The following PRIMA1 variants were observed in gnomAD, a reference collection of about 807,000 sequenced individuals.
The protein encoded by PRIMA1 is proline-rich membrane anchor 1.
Under a neutral mutation model 17.5 loss-of-function variants are expected in PRIMA1, and 7 were observed. The observed-to-expected ratio is 0.40, with a 90% CI of 0.23 to 0.75. The LOEUF is 0.75. Among genes scored for constraint, PRIMA1 ranks in the 30% least tolerant of loss-of-function variants. The pLI, the probability that PRIMA1 is intolerant of heterozygous loss-of-function variation, is 0.37. For synonymous variants in PRIMA1, 97 were observed against 77.9 expected (o/e 1.25, Z -1.29); for missense variants, 200 against 201.8 (o/e 0.99, Z 0.05).
intron 3 of PRIMA1, among the ~76,000 whole-genome samples, chr14:93,775,562 A>G (rs1026142396): frequency 6.6e-5 from 10 of 152,168 alleles, no homozygotes; most frequent in Admixed American, 2.6e-4. Context: ...GCAATGGTGC[A>G]ATCTTGGCTC....
At chr14:93,737,490 C>G (rs375384453) in intron 3 of PRIMA1, 120 bp from the exon 4 acceptor site, 3 of 1,153,050 alleles carry the variant, frequency 2.6e-6, no homozygotes, top group Non-Finnish European at 3.6e-6. Flanking sequence ...GTGGGACCAT[C>G]ATGGGTGACA....
intron 3 of PRIMA1, among the ~76,000 whole-genome samples, chr14:93,747,337 G>C (rs1365512585): frequency 6.6e-6 from 1 of 152,238 alleles, no homozygotes; most frequent in Non-Finnish European, 1.5e-5. Context: ...CCACGTGGCA[G>C]TTGCTGCTGG....
At chr14:93,787,946 C>A (rs1024462540) in intron 1 of PRIMA1, among the ~76,000 whole-genome samples, 197 bp from the exon 2 acceptor site, 8 of 152,230 alleles carry the variant, frequency 5.3e-5, no homozygotes, top group African/African-American at 1.4e-4. Context: ...ACTCTTCTTA[C>A]GCACATCCCC....
intron 2 of PRIMA1, among the ~76,000 whole-genome samples, chr14:93,779,701 A>T (rs1885325037): frequency 6.6e-6 from 1 of 152,130 alleles, no homozygotes; most frequent in African/African-American, 2.4e-5. Flanking sequence ...TTCCTTTGTA[A>T]TCTAAGCCCA....
rs150167698 is a variant in PRIMA1 at position 93,773,547 on chromosome 14, C to T, written c.229+5629G>A. Among the ~76,000 whole-genome samples, 174 of 152,332 alleles carry T rather than the reference C, an allele frequency of 1.1e-3. 2 individuals are homozygous for T. In the South Asian group the frequency reaches 0.016, roughly 14 times the overall value. Reference sequence around the variant, plus strand: ...TCCGATACAAGCTCAAGTTGGAGAACCCCTGGTCAAGTGCCCAGACTCAAA... The same window carrying T: ...TCCGATACAAGCTCAAGTTGGAGAATCCCTGGTCAAGTGCCCAGACTCAAA... On this transcript the variant is annotated intron_variant, in intron 3 of 4. Coordinates refer to ENST00000393140, the MANE Select transcript of PRIMA1 (RefSeq NM_178013.4).
chr14:93,748,866 G>C (rs555422345), intron 3 of PRIMA1, among the ~76,000 whole-genome samples: 2 of 152,190 alleles, frequency 1.3e-5, no homozygotes, highest in East Asian at 3.9e-4. Flanking sequence ...AATTAGGAAA[G>C]GAAAATTATG....
chr14:93,749,715 A>C (rs2076248491), intron 3 of PRIMA1, among the ~76,000 whole-genome samples: 1 of 152,202 alleles, frequency 6.6e-6, no homozygotes, highest in African/African-American at 2.4e-5. Flanking sequence ...GTTGATGCTC[A>C]ATAGATTGCT....
chr14:93,785,425 G>T (rs1394255513), intron 2 of PRIMA1, among the ~76,000 whole-genome samples: 1 of 152,180 alleles, frequency 6.6e-6, no homozygotes, highest in African/African-American at 2.4e-5. Flanking sequence ...TGCTTTGGGG[G>T]ACCCCAGGTC....
chr14:93,773,498 G>C (rs752066501), intron 3 of PRIMA1, among the ~76,000 whole-genome samples: 3 of 152,222 alleles, frequency 2.0e-5, no homozygotes, highest in Non-Finnish European at 4.4e-5. Flanking sequence ...AGTGATCTGT[G>C]ACTAAACAAG....
At position 93,721,960 on chromosome 14, in the gene PRIMA1, C is replaced by T. The variant is rs893629036; in HGVS notation, c.360-414G>A. Among the ~76,000 whole-genome samples the T allele has an allele frequency of 7.2e-5, 11 of 152,218 alleles. 1 individual carries two copies. The highest frequency in any genetic ancestry group is 6.5e-4 in the Admixed American group (10 of 15,284). On this transcript the variant is annotated intron_variant, in intron 4 of 4. Transcript: ENST00000393140. Reference sequence around the variant, plus strand: ...CTAGGGGTTGAGTTCTGCAGTCTTCCTCAGTGTGGGCAAAGGCAAATTCAA... The same window carrying T: ...CTAGGGGTTGAGTTCTGCAGTCTTCTTCAGTGTGGGCAAAGGCAAATTCAA...
chr14:93,781,857 C>A (rs951335428), intron 2 of PRIMA1, among the ~76,000 whole-genome samples: 2 of 151,926 alleles, frequency 1.3e-5, no homozygotes, highest in African/African-American at 4.8e-5. Context: ...CGCCTGTAGT[C>A]CCATCTACTC....
chr14:93,740,080 A>C (rs1159820448), intron 3 of PRIMA1, among the ~76,000 whole-genome samples: 1 of 151,476 alleles, frequency 6.6e-6, no homozygotes, highest in African/African-American at 2.4e-5. Flanking sequence ...AAAATCAATA[A>C]ATAAAATAAA....
intron 3 of PRIMA1, among the ~76,000 whole-genome samples, chr14:93,747,277 G>A (rs191166545): frequency 7.9e-5 from 12 of 152,320 alleles, no homozygotes; most frequent in Admixed American, 5.2e-4. Context: ...TGTGTCCACC[G>A]CAGCTGATGG....
chr14:93,746,357 G>A (rs763456279), intron 3 of PRIMA1, among the ~76,000 whole-genome samples: 14 of 152,070 alleles, frequency 9.2e-5, no homozygotes, highest in Non-Finnish European at 1.5e-4. Flanking sequence ...TGTGACGCAC[G>A]GTGGTCAGGG....
intron 2 of PRIMA1, among the ~76,000 whole-genome samples, chr14:93,782,291 A>ATACATAC (rs1156595006): frequency 8.0e-5 from 12 of 149,102 alleles, no homozygotes; most frequent in Non-Finnish European, 1.8e-4. Flanking sequence ...TAAATAAATA[A>ATACATAC]ATACATACAT....
chr14:93,776,037 T>A (rs1037343738), intron 3 of PRIMA1, among the ~76,000 whole-genome samples: 1 of 152,210 alleles, frequency 6.6e-6, no homozygotes, highest in Admixed American at 6.5e-5. Context: ...ACAGAAGGTC[T>A]CTTCCTAGGG....
At position 93,778,051 on chromosome 14, in the gene PRIMA1, G is replaced by C. The variant is rs144868247; in HGVS notation, c.229+1125C>G. ...GCCAGTGAGCATCCCGGGATAGAAG[G>C]ATTTGGCAGAGGCCTGGAGCAGAGG... On this transcript the variant is annotated intron_variant, in intron 3 of 4. Coordinates refer to ENST00000393140, the MANE Select transcript of PRIMA1 (RefSeq NM_178013.4). Among the ~76,000 whole-genome samples, 20 of 152,352 alleles carry C rather than the reference G, an allele frequency of 1.3e-4. No homozygotes were observed. In the East Asian group the frequency reaches 3.9e-3, roughly 29 times the overall value.
At chr14:93,745,105 C>A (rs1401805681) in intron 3 of PRIMA1, among the ~76,000 whole-genome samples, 6 of 152,206 alleles carry the variant, frequency 3.9e-5, no homozygotes, top group South Asian at 4.1e-4. Context: ...CTCCCCCATA[C>A]TGCCTCCTGC....
At chr14:93,786,573 C>A (rs1885529532) in intron 2 of PRIMA1, among the ~76,000 whole-genome samples, 3 of 152,126 alleles carry the variant, frequency 2.0e-5, no homozygotes. Flanking sequence ...TACAGAGCAA[C>A]CATGTGAATT....
Sources: allele counts gnomAD v4.1 joint callset (sites outside exome capture counted in the v4.1 genomes callset), GRCh38; gene constraint gnomAD v4.1.1; transcripts MANE v1.5; gene names NCBI Gene and HGNC (gene_info 2026-07-23, HGNC 2026-07-21).